IPO9: variants seen among roughly 807,000 people sequenced by gnomAD.
IPO9 encodes the protein importin 9.
A neutral mutation model predicts 128.6 loss-of-function variants in IPO9; 28 were observed. The ratio of observed to expected loss-of-function variants is 0.22; its 90% CI spans 0.16 to 0.30. The LOEUF is 0.30. Among genes scored for constraint, IPO9 ranks in the 10% least tolerant of loss-of-function variants. The pLI, the probability that IPO9 is intolerant of heterozygous loss-of-function variation, is 1.00. For missense variants in IPO9, 935 were observed against 1,293.9 expected (o/e 0.72, Z 4.26); for synonymous variants, 455 against 475.8 (o/e 0.96, Z 0.57).
intron 21 of IPO9, 45 bp downstream of exon 21, chr1:201,874,417 C>G: frequency 6.4e-7 from 1 of 1,566,290 alleles, no homozygotes. Context: ...CCTGGCAGAT[C>G]AAGTTACAAA....
chr1:201,853,833 G>A (rs1233717116), intron 6 of IPO9, among the ~76,000 whole-genome samples: 1 of 152,234 alleles, frequency 6.6e-6, no homozygotes, highest in Admixed American at 6.5e-5. Flanking sequence ...CCGCCTCCCA[G>A]GTTCAAGTGA....
At chr1:201,855,331 G>A (rs1680311524) in intron 9 of IPO9, 149 bp downstream of exon 9, 3 of 573,100 alleles carry the variant, frequency 5.2e-6, no homozygotes, top group African/African-American at 3.7e-5. Context: ...TCGATGTGGG[G>A]AAATGAGAAT....
At chr1:201,863,384 A>G (rs1399630248) in intron 13 of IPO9, 64 bp from the exon 14 acceptor site, 2 of 1,474,158 alleles carry the variant, frequency 1.4e-6, no homozygotes, top group African/African-American at 2.8e-5. Flanking sequence ...AATGTGGGAA[A>G]GAGAAAGAAC....
Position 201,829,337 on chromosome 1 carries a change from C to A in IPO9, c.128C>A (p.Ala43Asp). 6.3e-7 allele frequency: 1 copy of A among 1,588,316 alleles called. No individual in the cohort carries two copies. Among genetic ancestry groups the A allele is most frequent in the Non-Finnish European group, 8.6e-7 (1 of 1,168,686 alleles). Reference protein sequence around the residue: ...LSPVQEVRAAAEEQIKVLEVT... With the variant: ...LSPVQEVRAADEEQIKVLEVT... ...CCAGTACAGGAGGTGCGGGCGGCTG[C>A]TGAAGAACAGATTAAGGTGCTGGAG... is the stretch of plus-strand genomic sequence containing the variant. Residue 43 changes from alanine (A) to aspartate (D), a missense_variant, in exon 1 of 24, where the codon GCT becomes GAT. Ala to Asp is a moderately radical substitution (Grantham distance 126). This residue lies in a region of IPO9 where 741 missense variants were observed against 1,019.1 expected (regional missense o/e 0.73). Coordinates refer to ENST00000361565, the MANE Select transcript of IPO9 (RefSeq NM_018085.5).
intron 15 of IPO9, 117 bp downstream of exon 15, chr1:201,867,076 C>T (rs1029021795): frequency 3.2e-5 from 26 of 818,066 alleles, no homozygotes; most frequent in African/African-American, 2.2e-4. Flanking sequence ...GTTTTAACAT[C>T]GTAAGCAAAG....
At chr1:201,849,807 C>T (rs1680185141) in intron 4 of IPO9, among the ~76,000 whole-genome samples, 2 of 152,184 alleles carry the variant, frequency 1.3e-5, no homozygotes, top group African/African-American at 4.8e-5. Context: ...AACAGACTTA[C>T]CAAAAAGATC....
chr1:201,832,932 A>G (rs1679864854), intron 1 of IPO9, among the ~76,000 whole-genome samples: 2 of 152,256 alleles, frequency 1.3e-5, no homozygotes, highest in South Asian at 4.1e-4. Flanking sequence ...AGGACAGGCA[A>G]GAGAAGTTGA....
intron 3 of IPO9, 60 bp downstream of exon 3, chr1:201,847,698 A>G: frequency 8.7e-7 from 1 of 1,150,652 alleles, no homozygotes. Context: ...TTAAGAGATT[A>G]GACTATAACA....
chr1:201,872,753 A>T, intron 19 of IPO9, 75 bp from the exon 20 acceptor site: 1 of 1,517,092 alleles, frequency 6.6e-7, no homozygotes, highest in African/African-American at 1.4e-5. Flanking sequence ...GGGTCTTAGG[A>T]CATAATTGCT....
rs746793168 is a variant in IPO9, at chr1:201,863,580, G to A, written c.1601G>A (p.Arg534Gln). ...GLHETQPPSV[R>Q]ISAVRAIWGY... ...CACGAGACACAGCCCCCATCAGTTC[G>A]AATTTCTGCAGTGAGAGCCATCTGG... Residue 534 changes from arginine (R) to glutamine (Q), a missense_variant, in exon 14 of 24, where the codon CGA becomes CAA. Around this residue, in one of 3 missense-constraint regions of IPO9, gnomAD observed 741 missense variants for 1,019.1 expected, o/e 0.73. Transcript: ENST00000361565. 2.5e-6 allele frequency: 4 copies of A among 1,593,868 alleles called. No homozygotes were observed. The highest frequency in any genetic ancestry group is 3.4e-6 in the Non-Finnish European group (4 of 1,163,942).
In IPO9 at chr1:201,854,970, G is replaced by C. The variant is rs376764470; in HGVS notation, c.911+47G>C. The C allele has an allele frequency of 2.3e-5, 34 of 1,484,680 alleles. No individual in the cohort carries two copies. In the African/African-American group the frequency reaches 4.5e-4, roughly 20 times the overall value. 92.0% of individuals were successfully genotyped at this position (1,484,680 alleles called of 1,614,324 possible). On this transcript the variant is annotated intron_variant, in intron 8 of 23. Coordinates refer to ENST00000361565, the MANE Select transcript of IPO9 (RefSeq NM_018085.5). ...AGGGAGCTACTACCACCTATAGTTAGGAATCTCGCACTGGGTTTCACATTC... is the reference window on the plus strand; with the variant it reads ...AGGGAGCTACTACCACCTATAGTTACGAATCTCGCACTGGGTTTCACATTC...
chr1:201,832,577 TGAA>T (rs1679855018), intron 1 of IPO9, among the ~76,000 whole-genome samples: 1 of 152,312 alleles, frequency 6.6e-6, no homozygotes, highest in African/African-American at 2.4e-5. Flanking sequence ...TCTTAAAACT[TGAA>T]GTTAATGAGA....
chr1:201,866,573 A>T (rs1339817268), intron 14 of IPO9, among the ~76,000 whole-genome samples, 160 bp from the exon 15 acceptor site: 1 of 152,164 alleles, frequency 6.6e-6, no homozygotes, highest in Non-Finnish European at 1.5e-5. Flanking sequence ...GGTGGTGTTG[A>T]TGTTTATATA....
In IPO9 at chr1:201,883,763, A is replaced by C. The variant is rs1226251553; in HGVS notation, c.*7709A>C. 1 of 152,240 alleles carries C rather than the reference A, an allele frequency of 6.6e-6. No individual in the cohort carries two copies. The highest frequency in any genetic ancestry group is 2.1e-4 in the South Asian group (1 of 4,832). The allele number at this position is 152,240 out of a possible 1,614,324, so 9.4% of individuals were successfully genotyped here. On this transcript the variant is annotated 3_prime_UTR_variant, in exon 24 of 24. Transcript: ENST00000361565. The stretch of plus-strand genomic sequence containing the variant: ...ATCTATTTTGGTTAAAAGAAAATAA[A>C]TGTATTTCTTCCACACCTGATTTTG...
At chr1:201,851,560 A>G (rs12062909) in intron 4 of IPO9, among the ~76,000 whole-genome samples, 2,009 of 151,806 alleles carry the variant, frequency 0.013, 42 homozygotes, top group African/African-American at 0.043. Context: ...TCACATTTAT[A>G]TAGAAAATTC....
intron 3 of IPO9, among the ~76,000 whole-genome samples, chr1:201,848,103 A>G (rs1322341028): frequency 6.6e-6 from 1 of 152,216 alleles, no homozygotes; most frequent in Non-Finnish European, 1.5e-5. Flanking sequence ...TACTAGCTGC[A>G]TATGGCTGTT....
chr1:201,867,775 A>G (rs1397059841), intron 15 of IPO9, among the ~76,000 whole-genome samples: 2 of 152,102 alleles, frequency 1.3e-5, no homozygotes, highest in African/African-American at 2.4e-5. Flanking sequence ...AGAGAGCTCC[A>G]ATATTGAAGC....
chr1:201,875,756 C>T (rs976052806), intron 23 of IPO9, among the ~76,000 whole-genome samples, 188 bp from the exon 24 acceptor site: 4 of 152,042 alleles, frequency 2.6e-5, no homozygotes, highest in Non-Finnish European at 5.9e-5. Context: ...GGTGATACAG[C>T]CTTGGAAAAA....
intron 11 of IPO9, 40 bp from the exon 12 acceptor site, chr1:201,858,407 A>G (rs1271476380): frequency 1.8e-6 from 2 of 1,140,500 alleles, no homozygotes; most frequent in African/African-American, 1.6e-5. Flanking sequence ...AATGCATTTA[A>G]TGGGCACAAA....
Sources: gnomAD v4.1 joint callset for allele counts (sites outside exome capture counted in the v4.1 genomes callset) on GRCh38, gnomAD v4.1.1 for gene constraint, gnomAD v4.1.1 regional missense constraint, MANE v1.5 for transcripts, NCBI Gene and HGNC (gene_info 2026-07-23, HGNC 2026-07-21) for gene names.